BARX2: variants seen among roughly 807,000 people sequenced by gnomAD.
BARX2 encodes BARX homeobox 2, also known as homeobox protein BarH-like 2.
A neutral mutation model predicts 25.5 loss-of-function variants in BARX2; 11 were observed. The observed-to-expected ratio is 0.43, with a 90% CI of 0.27 to 0.71. The LOEUF is 0.71. Among genes scored for constraint, BARX2 ranks in the 30% least tolerant of loss-of-function variants. The probability of loss-of-function intolerance (pLI) is 0.19; values close to 1 mark genes in which losing one functional copy is unlikely to be tolerated. For missense variants in BARX2, 360 were observed against 359.9 expected (o/e 1.00, Z 0.00); for synonymous variants, 137 against 149.5 (o/e 0.92, Z 0.61).
chr11:129,411,526 G>A (rs1415140416), intron 1 of BARX2, among the ~76,000 whole-genome samples: 1 of 152,202 alleles, frequency 6.6e-6, no homozygotes, highest in Non-Finnish European at 1.5e-5. Flanking sequence ...TCATGGGCTG[G>A]ATGATATCAG....
chr11:129,436,957 A>C lies in BARX2; in HGVS notation c.394A>C (p.Lys132Gln), dbSNP rs764391127. Reference sequence around the variant, plus strand: ...GGAACAGCCCACGCCCCGACAGAAGAAGCCCCGCCGGAGTCGCACCATCTT... The same window carrying C: ...GGAACAGCCCACGCCCCGACAGAAGCAGCCCCGCCGGAGTCGCACCATCTT... ...ETEQPTPRQK[K>Q]PRRSRTIFTE... Residue 132 changes from lysine to glutamine, a missense_variant, in exon 2 of 4, where the codon AAG becomes CAG. This residue lies in a region of BARX2 where 240 missense variants were observed against 228.7 expected (regional missense o/e 1.05). Coordinates refer to ENST00000281437, the MANE Select transcript of BARX2 (RefSeq NM_003658.5). This position sits in a 1 kb window ranked among gnomAD's most constrained non-coding sequence, Gnocchi z 4.5. 2.5e-6 allele frequency: 4 copies of C among 1,611,792 alleles called. No individual in the cohort carries two copies. The highest frequency in any genetic ancestry group is 2.2e-5 in the East Asian group (1 of 44,828).
chr11:129,378,460 T>C (rs1227694185), intron 1 of BARX2, among the ~76,000 whole-genome samples: 1 of 152,190 alleles, frequency 6.6e-6, no homozygotes, highest in Admixed American at 6.5e-5. Context: ...CAAAAATCTT[T>C]GATTAGATGA....
chr11:129,427,922 A>G (rs568599161), intron 1 of BARX2, among the ~76,000 whole-genome samples: 1 of 152,280 alleles, frequency 6.6e-6, no homozygotes, highest in East Asian at 1.9e-4. Context: ...CAAATGTTCC[A>G]CATCTCCCCA....
In BARX2 at chr11:129,375,978, CAG is replaced by C; in HGVS notation, c.-57_-56del. 1.9e-6 allele frequency: 2 copies of C among 1,077,506 alleles called. No homozygotes were observed. The highest frequency in any genetic ancestry group is 2.3e-6 in the Non-Finnish European group (2 of 885,252). The allele number at this position is 1,077,506 out of a possible 1,614,324, so 66.7% of individuals were successfully genotyped here. A position where few individuals can be genotyped will look rare whatever the true frequency, so the allele number is the denominator to read the frequency against. Reference sequence around the variant, plus strand: ...CGCCGTCGCGCCAGCCCCGCGGCCCCAGCGGGCCGGGCACTCGCAGCCGCGCT... The same window carrying C: ...CGCCGTCGCGCCAGCCCCGCGGCCCCCGGGCCGGGCACTCGCAGCCGCGCT... On this transcript the variant is annotated 5_prime_UTR_variant, in exon 1 of 4. Coordinates refer to ENST00000281437, the MANE Select transcript of BARX2 (RefSeq NM_003658.5). The surrounding 1 kb of genome is among the most constrained non-coding windows in gnomAD (Gnocchi z 4.0).
chr11:129,414,119 A>G (rs527512138), intron 1 of BARX2, among the ~76,000 whole-genome samples: 1 of 151,892 alleles, frequency 6.6e-6, no homozygotes, highest in South Asian at 2.1e-4. Flanking sequence ...TTTAGGTTTG[A>G]TATCAGTTTG....
intron 3 of BARX2, among the ~76,000 whole-genome samples, chr11:129,448,740 G>T (rs1322569989): frequency 1.3e-5 from 2 of 152,190 alleles, no homozygotes; most frequent in Non-Finnish European, 2.9e-5. Context: ...AAATGATCCA[G>T]CAATTCAATT....
intron 2 of BARX2, among the ~76,000 whole-genome samples, chr11:129,439,354 G>A (rs1862230427): frequency 1.3e-5 from 2 of 151,978 alleles, no homozygotes; most frequent in Non-Finnish European, 1.5e-5. Flanking sequence ...AGGTATACAC[G>A]TGCCATGGTG....
chr11:129,393,091 A>C (rs1194572584), intron 1 of BARX2, among the ~76,000 whole-genome samples: 1 of 151,870 alleles, frequency 6.6e-6, no homozygotes, highest in Non-Finnish European at 1.5e-5. Context: ...GGCAACATGG[A>C]GAGATCTTGT....
Position 129,376,078 on chromosome 11 carries a change from C to T in BARX2, c.43C>T (p.Leu15Phe). 6.2e-7 allele frequency: 1 copy of T among 1,610,192 alleles called. No individual in the cohort carries two copies. The highest frequency in any genetic ancestry group is 2.3e-5 in the East Asian group (1 of 44,296). The change falls in exon 1 of 4, where the codon CTC (leucine) becomes TTC (phenylalanine). Residue 15 changes from leucine to phenylalanine, a missense_variant. Transcript: ENST00000281437. The surrounding 1 kb of genome is among the most constrained non-coding windows in gnomAD (Gnocchi z 4.2). ...AELRLSSPGQ[L>F]KAARRRYKTF... ...GCTGAGGCTGAGCTCGCCCGGCCAGCTCAAAGCAGCCAGGCGGCGCTACAA... is the reference window on the plus strand; with the variant it reads ...GCTGAGGCTGAGCTCGCCCGGCCAGTTCAAAGCAGCCAGGCGGCGCTACAA...
chr11:129,438,653 AG>A (rs1392891436), intron 2 of BARX2, among the ~76,000 whole-genome samples: 3 of 152,238 alleles, frequency 2.0e-5, no homozygotes. Flanking sequence ...CTGTTTGGTA[AG>A]GGCCTTCTGG....
intron 1 of BARX2, among the ~76,000 whole-genome samples, chr11:129,406,478 C>T (rs1341983647): frequency 6.6e-6 from 1 of 152,228 alleles, no homozygotes; most frequent in African/African-American, 2.4e-5. Context: ...GAATAAGGCA[C>T]AGTTCCAGCT....
chr11:129,415,497 G>T (rs1328626554), intron 1 of BARX2, among the ~76,000 whole-genome samples: 4 of 152,158 alleles, frequency 2.6e-5, no homozygotes, highest in Non-Finnish European at 5.9e-5. Flanking sequence ...GAATGGTTCT[G>T]CTGGGCCCAC....
chr11:129,436,413 T>A lies in BARX2; in HGVS notation c.188-338T>A. The A allele has an allele frequency of 3.3e-6, 1 of 303,760 alleles. No individual in the cohort carries two copies. The highest frequency in any genetic ancestry group is 6.0e-6 in the Non-Finnish European group (1 of 165,752). 18.8% of individuals were successfully genotyped at this position (303,760 alleles called of 1,614,324 possible). On this transcript the variant is annotated intron_variant, in intron 1 of 3. Transcript: ENST00000281437. The surrounding 1 kb of genome is among the most constrained non-coding windows in gnomAD (Gnocchi z 4.5). The stretch of plus-strand genomic sequence containing the variant: ...GGTTTCTGAAATATGTGTCTCTAGC[T>A]TTTCCTGACTACTTCTTTTCATCTG...
intron 1 of BARX2, among the ~76,000 whole-genome samples, chr11:129,422,648 C>T (rs2135404303): frequency 6.6e-6 from 1 of 151,376 alleles, no homozygotes; most frequent in Middle Eastern, 3.5e-3. Flanking sequence ...GTGTGTAGAT[C>T]TCTTGTGTGT....
At chr11:129,432,467 T>C (rs1019348443) in intron 1 of BARX2, among the ~76,000 whole-genome samples, 1 of 152,182 alleles carries the variant, frequency 6.6e-6, no homozygotes, top group Non-Finnish European at 1.5e-5. Context: ...AGGGAGAAAA[T>C]TGACATAAAG....
chr11:129,446,458 T>G (rs1365016810), intron 3 of BARX2, among the ~76,000 whole-genome samples: 1 of 152,194 alleles, frequency 6.6e-6, no homozygotes, highest in Non-Finnish European at 1.5e-5. Flanking sequence ...ACACGTACCT[T>G]GTAGGGTTGT....
At chr11:129,432,857 GC>G (rs1862145059) in intron 1 of BARX2, among the ~76,000 whole-genome samples, 1 of 152,200 alleles carries the variant, frequency 6.6e-6, no homozygotes, top group South Asian at 2.1e-4. Flanking sequence ...AGGGACATGG[GC>G]TTTCCTACTG....
chr11:129,428,088 A>G (rs1353522117), intron 1 of BARX2, among the ~76,000 whole-genome samples: 1 of 152,202 alleles, frequency 6.6e-6, no homozygotes, highest in African/African-American at 2.4e-5. Context: ...AGAGGGAAAC[A>G]TTGGCTAAGA....
At chr11:129,377,642 A>G (rs886665329) in intron 1 of BARX2, among the ~76,000 whole-genome samples, 7 of 152,254 alleles carry the variant, frequency 4.6e-5, no homozygotes, top group African/African-American at 1.7e-4. Flanking sequence ...GGACACATAC[A>G]TACTGAATAG....
Sources: gnomAD v4.1 joint callset for allele counts (sites outside exome capture counted in the v4.1 genomes callset) on GRCh38, gnomAD v4.1.1 for gene constraint, gnomAD v4.1.1 regional missense constraint, Gnocchi (gnomAD v3.1) non-coding constraint, MANE v1.5 for transcripts, NCBI Gene and HGNC (gene_info 2026-07-23, HGNC 2026-07-21) for gene names.